OLFM3: variants seen among roughly 807,000 people sequenced by gnomAD.
OLFM3 encodes the protein olfactomedin 3.
In OLFM3, 20 loss-of-function variants were observed where a neutral mutation model predicts 48.6. The observed-to-expected ratio is 0.41, with a 90% CI of 0.29 to 0.60. The LOEUF (loss-of-function observed/expected upper bound fraction) is 0.60, where lower values mean the gene tolerates loss of function less well. OLFM3 is among the 20% of genes least tolerant of loss of function. OLFM3 has a pLI of 0.28. For synonymous variants in OLFM3, 222 were observed against 198.1 expected (o/e 1.12, Z -1.01); for missense variants, 437 against 544.3 (o/e 0.80, Z 1.96).
At chr1:101,838,292 C>T (rs1240793268) in intron 1 of OLFM3, among the ~76,000 whole-genome samples, 1 of 152,208 alleles carries the variant, frequency 6.6e-6, no homozygotes, top group African/African-American at 2.4e-5. Context: ...TTCCTAGGCT[C>T]ATGTGATCCA....
chr1:101,917,437 G>A (rs1167557718), intron 1 of OLFM3, among the ~76,000 whole-genome samples: 1 of 152,022 alleles, frequency 6.6e-6, no homozygotes, highest in Non-Finnish European at 1.5e-5. Flanking sequence ...TATATTTTGA[G>A]ACTGAGTCTT....
intron 1 of OLFM3, among the ~76,000 whole-genome samples, chr1:101,951,193 C>T (rs1660135792): frequency 6.6e-6 from 1 of 152,192 alleles, no homozygotes; most frequent in South Asian, 2.1e-4. Context: ...AAATTAATGA[C>T]CATCACAAAC....
intron 1 of OLFM3, among the ~76,000 whole-genome samples, chr1:101,908,563 C>A (rs1298864971): frequency 6.6e-6 from 1 of 152,002 alleles, no homozygotes; most frequent in Non-Finnish European, 1.5e-5. Flanking sequence ...AAAACCACAG[C>A]CTGGAATAGA....
chr1:101,965,451 G>A (rs546686035), intron 1 of OLFM3, among the ~76,000 whole-genome samples: 8 of 152,250 alleles, frequency 5.3e-5, no homozygotes, highest in South Asian at 2.1e-4. Context: ...AATGTCAGAG[G>A]TTTCAATATA....
At chr1:101,818,459 T>C (rs1654442152) in intron 4 of OLFM3, among the ~76,000 whole-genome samples, 1 of 152,110 alleles carries the variant, frequency 6.6e-6, no homozygotes, top group South Asian at 2.1e-4. Context: ...ACCTAGAATT[T>C]TGGGAAGAGC....
intron 1 of OLFM3, among the ~76,000 whole-genome samples, chr1:101,879,462 C>T (rs1657432867): frequency 6.6e-6 from 1 of 151,718 alleles, no homozygotes. Context: ...ATCATTTCAC[C>T]TTCCGTTTGT....
chr1:101,830,625 A>G, intron 3 of OLFM3, 47 bp downstream of exon 3: 1 of 1,607,252 alleles, frequency 6.2e-7, no homozygotes, highest in Non-Finnish European at 8.5e-7. Flanking sequence ...TGTCCATCCC[A>G]CTCCATGTCT....
intron 2 of OLFM3, among the ~76,000 whole-genome samples, chr1:101,834,556 C>A (rs1250726816): frequency 6.6e-6 from 1 of 152,104 alleles, no homozygotes; most frequent in Non-Finnish European, 1.5e-5. Context: ...ACTGTGATAT[C>A]TCAGACATCT....
intron 1 of OLFM3, among the ~76,000 whole-genome samples, chr1:101,968,358 T>C (rs2101092991): frequency 6.6e-6 from 1 of 152,284 alleles, no homozygotes; most frequent in African/African-American, 2.4e-5. Flanking sequence ...AGAAGATAGC[T>C]TTCACAGAAA....
chr1:101,873,899 T>C (rs1570584053), intron 1 of OLFM3, among the ~76,000 whole-genome samples: 1 of 151,966 alleles, frequency 6.6e-6, no homozygotes, highest in African/African-American at 2.4e-5. Context: ...TTTATTGTTA[T>C]TCTCCAAAAA....
chr1:101,971,057 T>C (rs1202705863), intron 1 of OLFM3, among the ~76,000 whole-genome samples: 2 of 152,360 alleles, frequency 1.3e-5, no homozygotes, highest in East Asian at 3.9e-4. Flanking sequence ...ACTGTTTTGA[T>C]GACTTTTGAG....
At chr1:101,919,596 C>G (rs1436333158) in intron 1 of OLFM3, among the ~76,000 whole-genome samples, 1 of 152,198 alleles carries the variant, frequency 6.6e-6, no homozygotes, top group Non-Finnish European at 1.5e-5. Context: ...CCACATTTAC[C>G]TCTCTTCTTT....
At chr1:101,973,748 T>C (rs1318111085) in intron 1 of OLFM3, among the ~76,000 whole-genome samples, 2 of 152,118 alleles carry the variant, frequency 1.3e-5, no homozygotes, top group African/African-American at 4.8e-5. Flanking sequence ...GATGTGGGAA[T>C]GGTAGTTTTA....
At chr1:101,977,249 T>G (rs897710830) in intron 1 of OLFM3, among the ~76,000 whole-genome samples, 1 of 152,202 alleles carries the variant, frequency 6.6e-6, no homozygotes, top group East Asian at 1.9e-4. Flanking sequence ...TTGGAGAAAC[T>G]TTTCACATGA....
At chr1:101,835,756 G>A (rs973963745) in intron 2 of OLFM3, among the ~76,000 whole-genome samples, 15 of 152,108 alleles carry the variant, frequency 9.9e-5, no homozygotes, top group African/African-American at 3.4e-4. Context: ...TAAGAAGAAA[G>A]GGCCAATAGG....
intron 1 of OLFM3, among the ~76,000 whole-genome samples, chr1:101,887,302 T>C (rs1204307990): frequency 2.0e-5 from 3 of 151,870 alleles, no homozygotes; most frequent in Non-Finnish European, 4.4e-5. Context: ...AAAATAATTG[T>C]ATACCTATGA....
intron 1 of OLFM3, among the ~76,000 whole-genome samples, chr1:101,853,079 G>A (rs757009638): frequency 1.3e-5 from 2 of 151,980 alleles, no homozygotes; most frequent in Non-Finnish European, 2.9e-5. Flanking sequence ...TTATTCCAGT[G>A]CCTAGATTCC....
At chr1:101,926,732 A>T (rs1485430887) in intron 1 of OLFM3, among the ~76,000 whole-genome samples, 1 of 152,202 alleles carries the variant, frequency 6.6e-6, no homozygotes, top group African/African-American at 2.4e-5. Flanking sequence ...TGTCATCATG[A>T]GTGTATGATT....
intron 1 of OLFM3, among the ~76,000 whole-genome samples, chr1:101,838,922 G>A (rs1001996527): frequency 3.3e-5 from 5 of 152,196 alleles, no homozygotes; most frequent in African/African-American, 1.2e-4. Context: ...CTAGGTTCTA[G>A]CTCATCACAT....
Sources: gnomAD v4.1 joint callset for allele counts (sites outside exome capture counted in the v4.1 genomes callset) on GRCh38, gnomAD v4.1.1 for gene constraint, MANE v1.5 for transcripts, NCBI Gene and HGNC (gene_info 2026-07-23, HGNC 2026-07-21) for gene names.